Variants in TLN2 observed in about 807,000 individuals in gnomAD.
TLN2 encodes the protein talin 2.
Under a neutral mutation model 294.7 loss-of-function variants are expected in TLN2, and 118 were observed. The ratio of observed to expected loss-of-function variants is 0.40; its 90% CI spans 0.34 to 0.47. TLN2 has a LOEUF of 0.47. TLN2 is among the 20% of genes least tolerant of loss of function. TLN2 has a pLI of 0.84. For synonymous variants in TLN2, 1,431 were observed against 1,304.5 expected (o/e 1.10, Z -2.09); for missense variants, 3,083 against 3,282.2 (o/e 0.94, Z 1.48).
intron 37 of TLN2, among the ~76,000 whole-genome samples, chr15:62,759,299 G>T (rs565919433): frequency 2.6e-5 from 4 of 152,126 alleles, no homozygotes; most frequent in Admixed American, 2.6e-4. Flanking sequence ...AAAATAACTT[G>T]TCCTTTTTGA....
At position 62,841,944 on chromosome 15, in the gene TLN2, A is replaced by T. The variant is rs1351846121; in HGVS notation, c.*1334A>T. 1 of 148,592 alleles carries T rather than the reference A, an allele frequency of 6.7e-6. No individual in the cohort carries two copies. The highest frequency in any genetic ancestry group is 1.5e-5 in the Non-Finnish European group (1 of 67,726). The allele number at this position is 148,592 out of a possible 1,614,324, so 9.2% of individuals were successfully genotyped here. A position where few individuals can be genotyped will look rare whatever the true frequency, so the allele number is the denominator to read the frequency against. ...GTACATGATTTTCAAAACTGGTAAC[A>T]GTTAAAGGCACTCACCCTCCGCCTC... On this transcript the variant is annotated 3_prime_UTR_variant, in exon 59 of 59. Coordinates refer to ENST00000636159, the MANE Select transcript of TLN2 (RefSeq NM_015059.3).
intron 2 of TLN2, among the ~76,000 whole-genome samples, chr15:62,612,638 GA>G (rs1230811642): frequency 6.6e-6 from 1 of 152,102 alleles, no homozygotes; most frequent in Non-Finnish European, 1.5e-5. Flanking sequence ...TTGTTCGTGA[GA>G]TTTTTTTTCT....
intron 3 of TLN2, among the ~76,000 whole-genome samples, chr15:62,642,043 G>C (rs976611844): frequency 2.0e-5 from 3 of 152,198 alleles, no homozygotes; most frequent in South Asian, 4.1e-4. Context: ...GACAATGTCT[G>C]GGTTTCACCA....
intron 9 of TLN2, among the ~76,000 whole-genome samples, chr15:62,664,747 A>C (rs1288554454): frequency 6.8e-6 from 1 of 148,068 alleles, no homozygotes; most frequent in Non-Finnish European, 1.5e-5. Context: ...AATCCCAGCT[A>C]CTCGGGAGGC....
At chr15:62,545,140 G>C (rs567743933) in intron 1 of TLN2, among the ~76,000 whole-genome samples, 9 of 150,528 alleles carry the variant, frequency 6.0e-5, no homozygotes, top group Non-Finnish European at 4.4e-5. Context: ...GGGTTTCACT[G>C]TGTTAGCCAG....
At chr15:62,441,412 G>T (rs902081534) in intron 1 of TLN2, among the ~76,000 whole-genome samples, 4 of 152,166 alleles carry the variant, frequency 2.6e-5, no homozygotes, top group African/African-American at 9.7e-5. Context: ...ACTTGTGTGA[G>T]CTTCATGTGA....
At chr15:62,556,122 A>G (rs1466961363) in intron 1 of TLN2, among the ~76,000 whole-genome samples, 1 of 150,732 alleles carries the variant, frequency 6.6e-6, no homozygotes, top group African/African-American at 2.4e-5. Context: ...CCATTATTGT[A>G]TCTTTTTGGT....
chr15:62,498,090 A>C (rs1408266511), intron 1 of TLN2, among the ~76,000 whole-genome samples: 1 of 150,892 alleles, frequency 6.6e-6, no homozygotes, highest in African/African-American at 2.4e-5. Context: ...TACGAAAAGT[A>C]CAAAAATTAG....
At chr15:62,810,928 A>G (rs1194484516) in intron 52 of TLN2, among the ~76,000 whole-genome samples, 1 of 152,188 alleles carries the variant, frequency 6.6e-6, no homozygotes, top group African/African-American at 2.4e-5. Flanking sequence ...GAGGAGTGCC[A>G]AGCCCTTCAT....
At chr15:62,555,017 C>T (rs2042531147) in intron 1 of TLN2, among the ~76,000 whole-genome samples, 1 of 151,142 alleles carries the variant, frequency 6.6e-6, no homozygotes, top group African/African-American at 2.4e-5. Context: ...ACCCTTCTCA[C>T]TGGTTAGGAA....
intron 19 of TLN2, 88 bp downstream of exon 19, chr15:62,702,952 A>G: frequency 2.4e-6 from 3 of 1,225,564 alleles, no homozygotes. Context: ...TTGAAAACTA[A>G]CTAAATCTTT....
chr15:62,447,184 T>TTTATTTATTTATTTAATTAA (rs1369075863), intron 1 of TLN2, among the ~76,000 whole-genome samples: 1 of 151,648 alleles, frequency 6.6e-6, no homozygotes, highest in African/African-American at 2.4e-5. Context: ...TATTTATTTA[T>TTTATTTATTTATTTAATTAA]TTAATTAGGA....
intron 1 of TLN2, among the ~76,000 whole-genome samples, chr15:62,503,541 G>A (rs1411106451): frequency 6.6e-6 from 1 of 152,142 alleles, no homozygotes; most frequent in African/African-American, 2.4e-5. Flanking sequence ...TTCTTTCTGT[G>A]GTGTGAAAAG....
At chr15:62,832,920 A>G (rs2069027809) in intron 54 of TLN2, 1 of 150,986 alleles carries the variant, frequency 6.6e-6, no homozygotes, top group South Asian at 2.1e-4. Context: ...TGATTTTATT[A>G]TTTTGGTTTC....
At chr15:62,702,954 T>TC in intron 19 of TLN2, 90 bp downstream of exon 19, 1 of 1,207,314 alleles carries the variant, frequency 8.3e-7, no homozygotes, top group Non-Finnish European at 1.2e-6. Flanking sequence ...GAAAACTAAC[T>TC]AAATCTTTGA....
At position 62,506,465 on chromosome 15, in the gene TLN2, A is replaced by G. The variant is rs188179020; in HGVS notation, c.-237-83222A>G. ...GGTGGTATTACAAACACCAGACTGG[A>G]TTCCAGCTCTTCAGATTAACATTTG... is the stretch of plus-strand genomic sequence containing the variant. On this transcript the variant is annotated intron_variant, in intron 1 of 58. Transcript: ENST00000636159. Among the ~76,000 whole-genome samples, 3 of 152,342 alleles carry G rather than the reference A, an allele frequency of 2.0e-5. No homozygotes were observed. In the East Asian group the frequency reaches 5.8e-4, roughly 29 times the overall value.
intron 51 of TLN2, among the ~76,000 whole-genome samples, chr15:62,806,402 A>G (rs117175218): frequency 0.027 from 4,071 of 152,280 alleles, 74 homozygotes; most frequent in Admixed American, 0.036. Flanking sequence ...GGATTGCAGC[A>G]CTTGGTTCCA....
intron 28 of TLN2, among the ~76,000 whole-genome samples, chr15:62,733,271 C>T (rs1267579777): frequency 6.6e-6 from 1 of 152,176 alleles, no homozygotes; most frequent in African/African-American, 2.4e-5. Context: ...CTTAAGCATC[C>T]ATTAGCTTTA....
intron 1 of TLN2, among the ~76,000 whole-genome samples, chr15:62,451,120 G>T (rs955278524): frequency 1.3e-5 from 2 of 151,988 alleles, no homozygotes; most frequent in African/African-American, 4.8e-5. Flanking sequence ...GACCTGCCTG[G>T]TTCTTGCTAA....
Sources: allele counts gnomAD v4.1 joint callset (sites outside exome capture counted in the v4.1 genomes callset), GRCh38; gene constraint gnomAD v4.1.1; transcripts MANE v1.5; gene names NCBI Gene and HGNC (gene_info 2026-07-23, HGNC 2026-07-21).